KCNH8: variants seen among roughly 807,000 people sequenced by gnomAD.
The protein encoded by KCNH8 is potassium voltage-gated channel subfamily H member 8, also known as voltage-gated delayed rectifier potassium channel KCNH8.
KCNH8 carries 70 observed loss-of-function variants against 103.6 expected under a neutral mutation model. That is an observed-to-expected ratio of 0.68 (90% CI 0.56 to 0.82). The LOEUF is 0.82. Among genes scored for constraint, KCNH8 ranks in the 40% least tolerant of loss-of-function variants. The pLI, the probability that KCNH8 is intolerant of heterozygous loss-of-function variation, is 0.00. For missense variants in KCNH8, 1,217 were observed against 1,329.9 expected, an observed-to-expected ratio of 0.92 and a Z score of 1.32; for synonymous variants, 498 against 489.4, an observed-to-expected ratio of 1.02 and a Z score of -0.23.
At position 19,342,475 on chromosome 3, in the gene KCNH8, G is replaced by C. The variant is rs926782022; in HGVS notation, c.443-112G>C. 7.4e-5 allele frequency: 70 copies of C among 944,624 alleles called. No homozygotes were observed. In the African/African-American group the frequency reaches 1.0e-3, roughly 14 times the overall value. The allele number at this position is 944,624 out of a possible 1,614,324, so 58.5% of individuals were successfully genotyped here. A position where few individuals can be genotyped will look rare whatever the true frequency, so the allele number is the denominator to read the frequency against. ...TGTCATTAGGATCCAGCAGATTATT[G>C]TAGGTATTGGAAAACATGTACAATA... On this transcript the variant is annotated intron_variant, in intron 3 of 15. Transcript: ENST00000328405.
intron 11 of KCNH8, among the ~76,000 whole-genome samples, chr3:19,501,548 T>C (rs575602021): frequency 6.6e-6 from 1 of 152,248 alleles, no homozygotes; most frequent in Non-Finnish European, 1.5e-5. Context: ...GCAAACCGAA[T>C]CCAGCAGCAC....
At chr3:19,272,892 A>C (rs914313574) in intron 2 of KCNH8, among the ~76,000 whole-genome samples, 1 of 152,186 alleles carries the variant, frequency 6.6e-6, no homozygotes, top group African/African-American at 2.4e-5. Context: ...TCCAATTAGA[A>C]TATACGTCCT....
Position 19,357,423 on chromosome 3 carries a change from A to G in KCNH8, c.811+9458A>G, listed in dbSNP as rs557931187. ...TTTTTGGATGATATAAAATGTTCCT[A>G]TTATTGGAGCCACTGTTAACTGAGT... is the stretch of plus-strand genomic sequence containing the variant. On this transcript the variant is annotated intron_variant, in intron 5 of 15. Coordinates refer to ENST00000328405, the MANE Select transcript of KCNH8 (RefSeq NM_144633.3). Among the ~76,000 whole-genome samples the G allele has an allele frequency of 4.5e-4, 68 of 151,882 alleles. 1 individual carries two copies. In the South Asian group the frequency reaches 0.013, roughly 29 times the overall value.
rs2063841810 is a variant in KCNH8 at position 19,218,756 on chromosome 3, G to A, written c.77-34898G>A. Reference sequence around the variant, plus strand: ...GGCCCTGCTCCCTCTGTTGGTGCTAGGGAAGGGCCTGTTCCTAGCTCCTCT... The same window carrying A: ...GGCCCTGCTCCCTCTGTTGGTGCTAAGGAAGGGCCTGTTCCTAGCTCCTCT... On this transcript the variant is annotated intron_variant, in intron 1 of 15. Coordinates refer to ENST00000328405, the MANE Select transcript of KCNH8 (RefSeq NM_144633.3). 1.3e-5 allele frequency among the ~76,000 whole-genome samples: 2 copies of A among 152,220 alleles called. 1 individual carries two copies.
intron 3 of KCNH8, among the ~76,000 whole-genome samples, chr3:19,301,343 T>C (rs947510680): frequency 2.0e-5 from 3 of 148,550 alleles, no homozygotes; most frequent in African/African-American, 7.3e-5. Flanking sequence ...AATACAAATA[T>C]ATATAATATA....
chr3:19,427,641 G>A (rs914883832), intron 7 of KCNH8, among the ~76,000 whole-genome samples: 14 of 152,286 alleles, frequency 9.2e-5, no homozygotes, highest in African/African-American at 2.9e-4. Flanking sequence ...GGATGTTGCT[G>A]AGAGTTCAGT....
chr3:19,353,249 A>G (rs539019358), intron 5 of KCNH8, among the ~76,000 whole-genome samples: 4 of 152,178 alleles, frequency 2.6e-5, no homozygotes, highest in Non-Finnish European at 5.9e-5. Flanking sequence ...TTAATAGCCT[A>G]TCAACCAAAA....
intron 11 of KCNH8, among the ~76,000 whole-genome samples, chr3:19,471,389 C>T (rs182685277): frequency 4.6e-5 from 7 of 152,244 alleles, no homozygotes; most frequent in South Asian, 2.1e-4. Flanking sequence ...GAGCAAGGGT[C>T]GTCCATTCCA....
chr3:19,295,978 GT>G (rs756738544), intron 3 of KCNH8, among the ~76,000 whole-genome samples: 2 of 152,094 alleles, frequency 1.3e-5, no homozygotes, highest in Non-Finnish European at 2.9e-5. Context: ...CAGCTAGCTT[GT>G]TTTCAGACAG....
chr3:19,273,897 G>A (rs999595174), intron 2 of KCNH8, among the ~76,000 whole-genome samples: 1 of 152,082 alleles, frequency 6.6e-6, no homozygotes, highest in Non-Finnish European at 1.5e-5. Flanking sequence ...GCTGAATCTT[G>A]TTTTAAATAG....
At chr3:19,212,406 GC>G (rs2063779926) in intron 1 of KCNH8, among the ~76,000 whole-genome samples, 1 of 152,142 alleles carries the variant, frequency 6.6e-6, no homozygotes, top group African/African-American at 2.4e-5. Flanking sequence ...ATCTGTGTGA[GC>G]CCCACTTTCC....
chr3:19,229,546 T>G lies in KCNH8; in HGVS notation c.77-24108T>G, dbSNP rs1272329441. ...TCCTTTCAGCCACTGCTGGATCAGC[T>G]GGACACAGGGCACCAAGTCCGTAGG... On this transcript the variant is annotated intron_variant, in intron 1 of 15. Transcript: ENST00000328405. Among the ~76,000 whole-genome samples the G allele has an allele frequency of 2.6e-5, 4 of 152,214 alleles. No homozygotes were observed. In the East Asian group the frequency reaches 7.7e-4, roughly 29 times the overall value.
intron 6 of KCNH8, among the ~76,000 whole-genome samples, chr3:19,394,163 G>T (rs1217168964): frequency 6.6e-6 from 1 of 151,974 alleles, no homozygotes; most frequent in Non-Finnish European, 1.5e-5. Context: ...TTTCCCCAAA[G>T]AAATTAAAGG....
rs377695364 is a variant in KCNH8 at position 19,419,438 on chromosome 3, G to A, written c.1178-18726G>A. On this transcript the variant is annotated intron_variant, in intron 7 of 15. Coordinates refer to ENST00000328405, the MANE Select transcript of KCNH8 (RefSeq NM_144633.3). ...GATGGTCTCGATCTCCTGACCTCGT[G>A]ATCCGCCCGCCTCGGCCTCCCAAAG... 5.3e-5 allele frequency among the ~76,000 whole-genome samples: 8 copies of A among 151,634 alleles called. No individual in the cohort carries two copies. The East Asian group carries it at 1.6e-3, about 30-fold the overall frequency.
At chr3:19,212,398 C>T (rs2063779759) in intron 1 of KCNH8, among the ~76,000 whole-genome samples, 1 of 152,224 alleles carries the variant, frequency 6.6e-6, no homozygotes, top group Non-Finnish European at 1.5e-5. Flanking sequence ...CCAGCTTTAT[C>T]TGTGTGAGCC....
At chr3:19,243,072 A>G (rs142592674) in intron 1 of KCNH8, among the ~76,000 whole-genome samples, 37 of 152,284 alleles carry the variant, frequency 2.4e-4, no homozygotes, top group African/African-American at 8.7e-4. Context: ...GTAAGATGCT[A>G]TTGTGAGGGC....
intron 7 of KCNH8, among the ~76,000 whole-genome samples, chr3:19,423,764 G>T (rs139333724): frequency 2.0e-5 from 3 of 151,930 alleles, no homozygotes; most frequent in Admixed American, 1.3e-4. Flanking sequence ...TGTCTTTTTC[G>T]TATAATGACT....
chr3:19,251,761 A>T lies in KCNH8; in HGVS notation c.77-1893A>T, dbSNP rs570810080. 5.5e-4 allele frequency among the ~76,000 whole-genome samples: 83 copies of T among 152,282 alleles called. 1 individual carries two copies. The highest frequency in any genetic ancestry group is 2.0e-3 in the African/African-American group (83 of 41,562). ...TAAAATTCAAAAGGTATAGTAGGGTATATGGGAAAAATAAGTGTTTTCCCA... is the reference window on the plus strand; with the variant it reads ...TAAAATTCAAAAGGTATAGTAGGGTTTATGGGAAAAATAAGTGTTTTCCCA... On this transcript the variant is annotated intron_variant, in intron 1 of 15. Coordinates refer to ENST00000328405, the MANE Select transcript of KCNH8 (RefSeq NM_144633.3).
rs545642335 is a variant in KCNH8 at position 19,190,556 on chromosome 3, A to G, written c.76+41761A>G. ...ATAAACCTGGCTGCTTTGACGGAATATTTTTCCTGTAGTAGCTTTGTGGGA... is the reference window on the plus strand; with the variant it reads ...ATAAACCTGGCTGCTTTGACGGAATGTTTTTCCTGTAGTAGCTTTGTGGGA... On this transcript the variant is annotated intron_variant, in intron 1 of 15. Transcript: ENST00000328405. Among the ~76,000 whole-genome samples the G allele has an allele frequency of 2.0e-5, 3 of 152,084 alleles. No individual in the cohort carries two copies. In the East Asian group the frequency reaches 5.8e-4, roughly 29 times the overall value.
Sources: allele counts gnomAD v4.1 joint callset (sites outside exome capture counted in the v4.1 genomes callset), GRCh38; gene constraint gnomAD v4.1.1; transcripts MANE v1.5; gene names NCBI Gene and HGNC (gene_info 2026-07-23, HGNC 2026-07-21).